DCK: variants seen among roughly 807,000 people sequenced by gnomAD.
DCK encodes deoxyadenosine kinase.
In DCK, 23 loss-of-function variants were observed where a neutral mutation model predicts 38.3. That is an observed-to-expected ratio of 0.60 (90% CI 0.43 to 0.85). The LOEUF (loss-of-function observed/expected upper bound fraction) is 0.85, where lower values mean the gene tolerates loss of function less well. Ranked by LOEUF, DCK falls within the 40% of genes least tolerant of loss-of-function variation. The pLI is 0.00. For synonymous variants in DCK, 108 were observed against 100.6 expected (o/e 1.07, Z -0.44); for missense variants, 259 against 304.4 (o/e 0.85, Z 1.11).
intron 2 of DCK, among the ~76,000 whole-genome samples, chr4:71,005,351 A>C (rs1425732735): frequency 1.3e-5 from 2 of 151,730 alleles, no homozygotes; most frequent in Non-Finnish European, 1.5e-5. Flanking sequence ...GAAATGCAGA[A>C]ATCACCCGTC....
intron 5 of DCK, among the ~76,000 whole-genome samples, chr4:71,026,396 A>G (rs1162687253): frequency 2.6e-5 from 4 of 152,018 alleles, no homozygotes; most frequent in Non-Finnish European, 2.9e-5. Flanking sequence ...AAATGCAGAA[A>G]TTCCTACTTT....
chr4:70,994,649 GT>G (rs1739619191), intron 1 of DCK, among the ~76,000 whole-genome samples: 1 of 152,192 alleles, frequency 6.6e-6, no homozygotes, highest in Non-Finnish European at 1.5e-5. Flanking sequence ...GTTGTTTACA[GT>G]TTTTTAGCTA....
chr4:70,997,992 C>A, intron 1 of DCK, 75 bp from the exon 2 acceptor site: 1 of 608,782 alleles, frequency 1.6e-6, no homozygotes, highest in Non-Finnish European at 2.8e-6. Context: ...GTAAATCTTG[C>A]AAAAGCTAAT....
intron 4 of DCK, among the ~76,000 whole-genome samples, chr4:71,024,727 T>G (rs1740507830): frequency 6.6e-6 from 1 of 152,090 alleles, no homozygotes. Context: ...TTTTTTTGTT[T>G]TTAATTACAA....
At chr4:71,014,311 A>T (rs531375737) in intron 2 of DCK, among the ~76,000 whole-genome samples, 13 of 152,306 alleles carry the variant, frequency 8.5e-5, no homozygotes, top group African/African-American at 3.1e-4. Context: ...CTCCCACACA[A>T]TAATAATGGG....
chr4:71,022,612 G>T (rs770755095), intron 3 of DCK, 52 bp downstream of exon 3: 3 of 1,104,998 alleles, frequency 2.7e-6, no homozygotes, highest in African/African-American at 1.6e-5. Flanking sequence ...TCTTAGAACT[G>T]GACTTTTTTT....
intron 2 of DCK, among the ~76,000 whole-genome samples, chr4:71,017,777 T>C (rs6819369): frequency 0.94 from 123,539 of 130,992 alleles, 58,666 homozygotes; most frequent in Non-Finnish European, 1. Flanking sequence ...TGGGGCCTGT[T>C]GTGGGGTGGG....
chr4:71,007,606 T>C (rs1739978111), intron 2 of DCK, among the ~76,000 whole-genome samples: 1 of 152,252 alleles, frequency 6.6e-6, no homozygotes, highest in Non-Finnish European at 1.5e-5. Context: ...GGAATTACAT[T>C]GTTTGCCTTT....
chr4:71,018,886 GGT>G lies in DCK; in HGVS notation c.208-3480_208-3479del, dbSNP rs1740340232. Among the ~76,000 whole-genome samples, 4 of 152,078 alleles carry G rather than the reference GGT, an allele frequency of 2.6e-5. No individual in the cohort carries two copies. The South Asian group carries it at 8.3e-4, about 32-fold the overall frequency. On this transcript the variant is annotated intron_variant, in intron 2 of 6. Transcript: ENST00000286648. ...AGGGTTTCGCCATGTTGCCCAGGCT[GGT>G]CTGGAACTCCTGAGCTTAAGTGATC...
chr4:71,001,499 TC>T (rs1204486374), intron 2 of DCK, among the ~76,000 whole-genome samples: 1 of 152,180 alleles, frequency 6.6e-6, no homozygotes, highest in Non-Finnish European at 1.5e-5. Flanking sequence ...GATGCTGGCC[TC>T]AAAAAATGAG....
At chr4:71,012,956 A>G (rs1264110333) in intron 2 of DCK, among the ~76,000 whole-genome samples, 1 of 152,092 alleles carries the variant, frequency 6.6e-6, no homozygotes, top group African/African-American at 2.4e-5. Context: ...TCAGATAATC[A>G]AACTTCTCCG....
chr4:71,022,395 G>A lies in DCK; in HGVS notation c.236G>A (p.Gly79Glu). The A allele has an allele frequency of 6.5e-7, 1 of 1,533,958 alleles. No individual in the cohort carries two copies. Among genetic ancestry groups the A allele is most frequent in the Non-Finnish European group, 8.8e-7 (1 of 1,142,610 alleles). ...EELTMSQKNG[G>E]NVLQMMYEKP... ...CTTACAATGTCTCAGAAAAATGGTG[G>A]GAATGTTCTTCAGATGATGTATGAG... is the stretch of plus-strand genomic sequence containing the variant. The change falls in exon 3 of 7, where the codon GGG (glycine) becomes GAG (glutamate). Residue 79 changes from glycine (G) to glutamate (E), a missense_variant. By Grantham distance (98) the Gly-to-Glu change is moderately conservative (BLOSUM62 -2). This residue lies in a region of DCK where 159 missense variants were observed against 159.0 expected (regional missense o/e 1.00). Coordinates refer to ENST00000286648, the MANE Select transcript of DCK (RefSeq NM_000788.3).
At chr4:70,997,765 G>A (rs1349027675) in intron 1 of DCK, among the ~76,000 whole-genome samples, 1 of 152,174 alleles carries the variant, frequency 6.6e-6, no homozygotes, top group Non-Finnish European at 1.5e-5. Context: ...CACATTTGGT[G>A]ACTTCAGATA....
rs957321672 is a variant in DCK at position 71,029,217 on chromosome 4, A to C, written c.757-135A>C. 6 of 528,600 alleles carry C rather than the reference A, an allele frequency of 1.1e-5. No individual in the cohort carries two copies. In the Admixed American group the frequency reaches 1.9e-4, roughly 17 times the overall value. 32.7% of individuals were successfully genotyped at this position (528,600 alleles called of 1,614,324 possible). ...CCTTAACAATATTTCTTTGGAAAGT[A>C]AATGCAATGGCATTGTGGTAGTTAC... On this transcript the variant is annotated intron_variant, in intron 6 of 6. Coordinates refer to ENST00000286648, the MANE Select transcript of DCK (RefSeq NM_000788.3).
intron 2 of DCK, among the ~76,000 whole-genome samples, chr4:71,001,140 C>CTTA (rs1468258893): frequency 1.3e-5 from 2 of 151,926 alleles, no homozygotes; most frequent in East Asian, 3.9e-4. Flanking sequence ...ATAAATAGCT[C>CTTA]TTATTTTGAG....
At chr4:71,014,181 C>G (rs967304306) in intron 2 of DCK, among the ~76,000 whole-genome samples, 11 of 152,172 alleles carry the variant, frequency 7.2e-5, no homozygotes, top group Non-Finnish European at 1.5e-4. Flanking sequence ...AAGGCCATTA[C>G]ATAATGGTAA....
intron 3 of DCK, 22 bp from the exon 4 acceptor site, chr4:71,023,536 TG>T (rs1740478243): frequency 6.9e-7 from 1 of 1,442,256 alleles, no homozygotes; most frequent in Non-Finnish European, 9.5e-7. Flanking sequence ...ATGATACATG[TG>T]TTGATGAAGA....
At chr4:71,018,485 A>AG (rs754728938) in intron 2 of DCK, among the ~76,000 whole-genome samples, 30 of 151,908 alleles carry the variant, frequency 2.0e-4, no homozygotes, top group East Asian at 3.9e-4. Flanking sequence ...CAAAAGGTAC[A>AG]GGTTTTTTTT....
At chr4:71,006,590 T>G (rs1578421337) in intron 2 of DCK, among the ~76,000 whole-genome samples, 3 of 152,068 alleles carry the variant, frequency 2.0e-5, no homozygotes, top group African/African-American at 7.2e-5. Context: ...AGAGGATCGC[T>G]TGAGCCCAGG....
Sources: allele counts gnomAD v4.1 joint callset (sites outside exome capture counted in the v4.1 genomes callset), GRCh38; gene constraint gnomAD v4.1.1; regional missense constraint gnomAD v4.1.1; transcripts MANE v1.5; gene names NCBI Gene and HGNC (gene_info 2026-07-23, HGNC 2026-07-21).